Variants in ZNF277 observed in about 807,000 individuals in gnomAD.
ZNF277 encodes nuclear receptor-interacting factor 4.
ZNF277 carries 55 observed loss-of-function variants against 60.7 expected under a neutral mutation model. The observed-to-expected ratio is 0.91, with a 90% confidence interval of 0.73 to 1.13. The LOEUF (loss-of-function observed/expected upper bound fraction) is 1.13, where lower values mean the gene tolerates loss of function less well. Ranked by LOEUF, ZNF277 falls within the 50% of genes most tolerant of loss-of-function variation. The pLI is 0.00. For missense variants in ZNF277, 510 were observed against 523.0 expected (o/e 0.98, Z 0.24); for synonymous variants, 178 against 179.3 (o/e 0.99, Z 0.06).
chr7:112,341,372 T>C (rs1793441801), intron 11 of ZNF277, among the ~76,000 whole-genome samples: 1 of 152,208 alleles, frequency 6.6e-6, no homozygotes, highest in Non-Finnish European at 1.5e-5. Context: ...AGTATCCATC[T>C]GTTGCATCCT....
chr7:112,212,985 G>C (rs1821792183), intron 1 of ZNF277, among the ~76,000 whole-genome samples: 1 of 152,154 alleles, frequency 6.6e-6, no homozygotes, highest in African/African-American at 2.4e-5. Flanking sequence ...AAGAATTATA[G>C]AAACTACTCT....
At chr7:112,319,918 G>A (rs1215233360) in intron 5 of ZNF277, among the ~76,000 whole-genome samples, 1 of 151,728 alleles carries the variant, frequency 6.6e-6, no homozygotes, top group Non-Finnish European at 1.5e-5. Context: ...GAAAACCCAT[G>A]CCACCATCAG....
chr7:112,245,589 C>T (rs1362679130), intron 1 of ZNF277, among the ~76,000 whole-genome samples: 2 of 152,164 alleles, frequency 1.3e-5, no homozygotes, highest in Non-Finnish European at 2.9e-5. Context: ...GGTTTCTTCT[C>T]GACTGTGAGG....
At chr7:112,281,226 G>C (rs1003994073) in intron 1 of ZNF277, among the ~76,000 whole-genome samples, 1 of 152,164 alleles carries the variant, frequency 6.6e-6, no homozygotes. Flanking sequence ...AGGGACTACG[G>C]CTTGGTAAAA....
At chr7:112,263,232 G>A (rs548979282) in intron 1 of ZNF277, among the ~76,000 whole-genome samples, 40 of 152,290 alleles carry the variant, frequency 2.6e-4, no homozygotes, top group African/African-American at 9.6e-4. Flanking sequence ...GACTAGTAGA[G>A]GTTAGGGACT....
In ZNF277 at chr7:112,330,823, A is replaced by T. The variant is rs576013935; in HGVS notation, c.801+607A>T. ...GGTCTCGAACTCCTGGCCTCAAGTG[A>T]ACCACCAGCCTTGCCCTCCCAAAGT... On this transcript the variant is annotated intron_variant, in intron 7 of 11. Transcript: ENST00000361822. Among the ~76,000 whole-genome samples the T allele has an allele frequency of 2.0e-5, 3 of 152,154 alleles. No individual in the cohort carries two copies. In the South Asian group the frequency reaches 6.2e-4, roughly 32 times the overall value.
At chr7:112,306,246 G>A (rs1203032355) in intron 4 of ZNF277, among the ~76,000 whole-genome samples, 1 of 129,870 alleles carries the variant, frequency 7.7e-6, no homozygotes, top group African/African-American at 3.0e-5. Flanking sequence ...ATGGAGTCTC[G>A]CTCTGTCACC....
At chr7:112,333,515 G>C (rs7810513) in intron 7 of ZNF277, among the ~76,000 whole-genome samples, 10,745 of 152,148 alleles carry the variant, frequency 0.071, 426 homozygotes, top group East Asian at 0.12. Flanking sequence ...TTCACACACA[G>C]AGCTCCTCAC....
intron 1 of ZNF277, among the ~76,000 whole-genome samples, chr7:112,277,047 G>A (rs1264130059): frequency 6.6e-6 from 1 of 150,862 alleles, no homozygotes; most frequent in Non-Finnish European, 1.5e-5. Context: ...AATTTTTATG[G>A]GTCCCCAGAA....
Position 112,324,072 on chromosome 7 carries a change from G to GA in ZNF277, c.558-3639dup, listed in dbSNP as rs536154713. ...TGCTTTTAAGGACCATTGTGAATGTGAAAAAATATAATACCAGTGCTACTT... is the reference window on the plus strand; with the variant it reads ...TGCTTTTAAGGACCATTGTGAATGTGAAAAAAATATAATACCAGTGCTACTT... On this transcript the variant is annotated intron_variant, in intron 5 of 11. Transcript: ENST00000361822. Among the ~76,000 whole-genome samples the GA allele has an allele frequency of 5.9e-5, 9 of 152,208 alleles. No individual in the cohort carries two copies. The South Asian group carries it at 1.4e-3, about 25-fold the overall frequency.
chr7:112,296,888 T>TTTTATTTA (rs764539582), intron 4 of ZNF277, among the ~76,000 whole-genome samples: 2,539 of 62,084 alleles, frequency 0.041, 76 homozygotes, highest in African/African-American at 0.054. Context: ...CTTATTTTTA[T>TTTTATTTA]TTTATTTATT....
intron 1 of ZNF277, among the ~76,000 whole-genome samples, chr7:112,232,345 G>C (rs1480259287): frequency 1.3e-5 from 2 of 152,070 alleles, no homozygotes; most frequent in African/African-American, 2.4e-5. Context: ...TAATAAAGTA[G>C]TATGGCTGAG....
chr7:112,250,654 A>G (rs890952740), intron 1 of ZNF277, among the ~76,000 whole-genome samples: 1 of 152,138 alleles, frequency 6.6e-6, no homozygotes, highest in Non-Finnish European at 1.5e-5. Flanking sequence ...ACCTACATGA[A>G]TATCGGGGCA....
intron 1 of ZNF277, among the ~76,000 whole-genome samples, chr7:112,275,314 C>G (rs917242767): frequency 6.6e-6 from 1 of 152,176 alleles, no homozygotes; most frequent in East Asian, 1.9e-4. Context: ...AGTAAGAACT[C>G]GTAGTAGTCT....
chr7:112,210,990 C>G (rs1158902366), intron 1 of ZNF277, among the ~76,000 whole-genome samples: 1 of 152,186 alleles, frequency 6.6e-6, no homozygotes, highest in African/African-American at 2.4e-5. Flanking sequence ...GCTATTTCTT[C>G]TGAGTATTAA....
At chr7:112,297,957 T>C (rs1792391659) in intron 4 of ZNF277, among the ~76,000 whole-genome samples, 1 of 152,210 alleles carries the variant, frequency 6.6e-6, no homozygotes, top group African/African-American at 2.4e-5. Flanking sequence ...ATACTGCATT[T>C]AAGTTACCTT....
At chr7:112,252,968 A>G (rs771501485) in intron 1 of ZNF277, among the ~76,000 whole-genome samples, 10 of 152,220 alleles carry the variant, frequency 6.6e-5, no homozygotes, top group Non-Finnish European at 1.5e-4. Context: ...TCCTTGAGAA[A>G]GTCACAGAGA....
intron 5 of ZNF277, among the ~76,000 whole-genome samples, chr7:112,325,864 C>T (rs538391223): frequency 8.5e-5 from 13 of 152,300 alleles, no homozygotes; most frequent in Non-Finnish European, 1.6e-4. Context: ...ACCCACATCC[C>T]TCCCAGCAAG....
At chr7:112,244,525 G>C (rs73424408) in intron 1 of ZNF277, among the ~76,000 whole-genome samples, 9 of 152,056 alleles carry the variant, frequency 5.9e-5, no homozygotes, top group African/African-American at 1.4e-4. Context: ...GACATTCTGC[G>C]TATCAGTGAC....
Sources: gnomAD v4.1 joint callset for allele counts (sites outside exome capture counted in the v4.1 genomes callset) on GRCh38, gnomAD v4.1.1 for gene constraint, MANE v1.5 for transcripts, NCBI Gene and HGNC (gene_info 2026-07-23, HGNC 2026-07-21) for gene names.